UPRT: variants seen among roughly 807,000 people sequenced by gnomAD.
UPRT encodes RP11-311P8.3.
A neutral mutation model predicts 22.6 loss-of-function variants in UPRT; 5 were observed. The ratio of observed to expected loss-of-function variants is 0.22; its 90% CI spans 0.12 to 0.47. The LOEUF is 0.47. UPRT is among the 20% of genes least tolerant of loss of function. The probability of loss-of-function intolerance (pLI) is 0.99; values close to 1 mark genes in which losing one functional copy is unlikely to be tolerated. For missense variants in UPRT, 181 were observed against 239.9 expected (o/e 0.75, Z 1.62); for synonymous variants, 77 against 87.7 (o/e 0.88, Z 0.68).
intron 4 of UPRT, among the ~76,000 whole-genome samples, chrX:75,254,524 G>C (rs1292074479): frequency 5.4e-5 from 6 of 111,603 alleles, no homozygotes; most frequent in Non-Finnish European, 1.1e-4. Flanking sequence ...AAGAAGTCCG[G>C]CATTATGTCA....
chrX:75,214,642 G>T (rs764092915), intron 4 of UPRT, among the ~76,000 whole-genome samples: 1 of 112,537 alleles, frequency 8.9e-6, no homozygotes, highest in Non-Finnish European at 1.9e-5. Context: ...AGGTGTGGTG[G>T]CTCATGCCTG....
At chrX:75,296,506 G>T in intron 3 of UPRT, 95 bp downstream of exon 3, 2 of 719,173 alleles carry the variant, frequency 2.8e-6, no homozygotes, top group Non-Finnish European at 4.2e-6. Context: ...AAATAAATAT[G>T]CAAAATGAAG....
chrX:75,268,141 T>A (rs1461286917), intron 4 of UPRT, among the ~76,000 whole-genome samples: 2 of 111,789 alleles, frequency 1.8e-5, no homozygotes, highest in Non-Finnish European at 3.8e-5. Context: ...TCTACCTAAA[T>A]AATCTAGAAA....
chrX:75,286,093 T>A (rs2082678578), intron 1 of UPRT, among the ~76,000 whole-genome samples: 1 of 111,036 alleles, frequency 9.0e-6, no homozygotes, highest in South Asian at 3.8e-4. Flanking sequence ...CGGAAAAGCT[T>A]TTTTTGTTGT....
intron 1 of UPRT, among the ~76,000 whole-genome samples, chrX:75,278,929 G>A (rs2082642350): frequency 8.9e-6 from 1 of 111,805 alleles, no homozygotes; most frequent in Non-Finnish European, 1.9e-5. Context: ...TGTGATTTGA[G>A]TTATGTGACT....
chrX:75,250,755 C>CA (rs2082526407), intron 4 of UPRT, among the ~76,000 whole-genome samples: 2 of 110,977 alleles, frequency 1.8e-5, no homozygotes, highest in South Asian at 3.8e-4. Flanking sequence ...AGAGACACAA[C>CA]AAAAAAAGAG....
At chrX:75,291,987 G>A (rs758736030) in intron 1 of UPRT, among the ~76,000 whole-genome samples, 3 of 111,378 alleles carry the variant, frequency 2.7e-5, no homozygotes, top group South Asian at 3.8e-4. Context: ...AGATTTGGGC[G>A]ACTCTGATTA....
In UPRT at chrX:75,188,196, T is replaced by A. The variant is rs999048811; in HGVS notation, c.-447+20317T>A. Among the ~76,000 whole-genome samples, 4 of 111,737 alleles carry A rather than the reference T, an allele frequency of 3.6e-5. No homozygotes were observed. In the Admixed American group the frequency reaches 3.8e-4, roughly 11 times the overall value. ...TTTGATGATGGTGATGTACAGAAGG[T>A]TTTTGGTGTGGATGTCCTTTCCGTT... On this transcript the variant is annotated intron_variant, in intron 4 of 13. Coordinates refer to the UPRT transcript ENST00000652605.
upstream of UPRT, among the ~76,000 whole-genome samples, chrX:75,273,253 T>C (rs1234136770): frequency 9.1e-6 from 1 of 109,506 alleles, no homozygotes; most frequent in Non-Finnish European, 1.9e-5. Flanking sequence ...GGCGATGAAA[T>C]AATCTTTACA....
At chrX:75,193,696 G>A (rs2082323762) in intron 4 of UPRT, among the ~76,000 whole-genome samples, 1 of 111,196 alleles carries the variant, frequency 9.0e-6, no homozygotes, top group Non-Finnish European at 1.9e-5. Context: ...TTACTTCAGA[G>A]AGCCAGTCTC....
intron 4 of UPRT, among the ~76,000 whole-genome samples, chrX:75,178,075 C>T (rs1028334768): frequency 4.5e-5 from 5 of 112,020 alleles, no homozygotes; most frequent in South Asian, 3.7e-4. Flanking sequence ...GTCGGGACCC[C>T]GGAGCTGCAT....
At chrX:75,184,642 T>A (rs762510720) in intron 4 of UPRT, among the ~76,000 whole-genome samples, 19 of 107,967 alleles carry the variant, frequency 1.8e-4, no homozygotes, top group African/African-American at 6.4e-4. Context: ...CGATATTGAT[T>A]CTTCCTACCC....
intron 4 of UPRT, among the ~76,000 whole-genome samples, chrX:75,264,466 A>T (rs1303221764): frequency 9.0e-6 from 1 of 111,038 alleles, no homozygotes; most frequent in Non-Finnish European, 1.9e-5. Flanking sequence ...TGATCCCTTT[A>T]CCATTGTGTA....
At chrX:75,254,847 C>T (rs2082544104) in intron 4 of UPRT, among the ~76,000 whole-genome samples, 1 of 103,795 alleles carries the variant, frequency 9.6e-6, no homozygotes, top group East Asian at 3.0e-4. Flanking sequence ...GCAATCTCGG[C>T]ACACTGCAAG....
rs756907910 is a variant in UPRT, at chrX:75,198,468, G to A, written c.-447+30589G>A. 7.1e-5 allele frequency among the ~76,000 whole-genome samples: 8 copies of A among 111,973 alleles called. No homozygotes were observed. In the South Asian group the frequency reaches 3.0e-3, roughly 42 times the overall value. On this transcript the variant is annotated intron_variant, in intron 4 of 13. Coordinates refer to the UPRT transcript ENST00000652605. ...ATAATCAAATTGAGGGTGGGGCAGGGAGCCAGTATAGATAAAACAAGAATG... is the reference window on the plus strand; with the variant it reads ...ATAATCAAATTGAGGGTGGGGCAGGAAGCCAGTATAGATAAAACAAGAATG...
chrX:75,233,858 T>C (rs1225772343), intron 4 of UPRT, among the ~76,000 whole-genome samples: 4 of 107,744 alleles, frequency 3.7e-5, no homozygotes, highest in Non-Finnish European at 7.7e-5. Flanking sequence ...CCATCGAGAC[T>C]AGGAAGAAAC....
intron 4 of UPRT, among the ~76,000 whole-genome samples, chrX:75,181,219 GT>G: frequency 9.0e-6 from 1 of 111,037 alleles, no homozygotes; most frequent in East Asian, 2.9e-4. Context: ...GTACGTGTCT[GT>G]TTTATTACCA....
chrX:75,239,437 C>A (rs2082480967), intron 4 of UPRT, among the ~76,000 whole-genome samples: 1 of 110,670 alleles, frequency 9.0e-6, no homozygotes, highest in Admixed American at 9.7e-5. Flanking sequence ...TAATAAGTAG[C>A]AAGATTGAAA....
At chrX:75,189,177 T>G (rs2082306398) in intron 4 of UPRT, among the ~76,000 whole-genome samples, 2 of 112,345 alleles carry the variant, frequency 1.8e-5, no homozygotes, top group South Asian at 7.4e-4. Flanking sequence ...TTCTGGTATG[T>G]TGTGTCTTTT....
Sources: gnomAD v4.1 joint callset for allele counts (sites outside exome capture counted in the v4.1 genomes callset) on GRCh38, gnomAD v4.1.1 for gene constraint, MANE v1.5 for transcripts, NCBI Gene and HGNC (gene_info 2026-07-23, HGNC 2026-07-21) for gene names.